ZC3H12B: variants seen among roughly 807,000 people sequenced by gnomAD.
ZC3H12B encodes the protein zinc finger CCCH-type containing 12B.
ZC3H12B carries 7 observed loss-of-function variants against 43.9 expected under a neutral mutation model. The observed-to-expected ratio is 0.16, with a 90% CI of 0.09 to 0.30. The LOEUF (loss-of-function observed/expected upper bound fraction) is 0.30, where lower values mean the gene tolerates loss of function less well. Ranked by LOEUF, ZC3H12B falls within the 10% of genes least tolerant of loss-of-function variation. The pLI is 1.00. For synonymous variants in ZC3H12B, 222 were observed against 241.7 expected, an observed-to-expected ratio of 0.92 and a Z score of 0.76; for missense variants, 475 against 670.2, an observed-to-expected ratio of 0.71 and a Z score of 3.22.
the ZC3H12B span, among the ~76,000 whole-genome samples, chrX:65,078,334 A>C: frequency 8.9e-6 from 1 of 112,478 alleles, no homozygotes; most frequent in Admixed American, 9.4e-5. Context: ...ACTTTAGTGA[A>C]TAAGTATAGA....
chrX:65,212,841 C>T, the ZC3H12B span, among the ~76,000 whole-genome samples: 1 of 104,823 alleles, frequency 9.5e-6, no homozygotes, highest in Admixed American at 1.1e-4. Context: ...TCTCCAGCAT[C>T]TAGCACAGTG....
the ZC3H12B span, among the ~76,000 whole-genome samples, chrX:65,191,803 A>C: frequency 9.4e-6 from 1 of 106,917 alleles, no homozygotes; most frequent in Non-Finnish European, 1.9e-5. Flanking sequence ...TATTTCCTTC[A>C]GTTCTGCTCT....
intron 3 of ZC3H12B, among the ~76,000 whole-genome samples, chrX:65,457,088 C>G: frequency 1.1e-5 from 1 of 90,223 alleles, no homozygotes; most frequent in Admixed American, 1.2e-4. Context: ...GCACCTCTGC[C>G]CCGCCGCCCT....
the ZC3H12B span, among the ~76,000 whole-genome samples, chrX:65,224,619 G>A: frequency 8.9e-6 from 1 of 112,204 alleles, no homozygotes; most frequent in Non-Finnish European, 1.9e-5. Context: ...CCCTTTCCTA[G>A]TCAAAGAAAG....
At chrX:65,384,049 G>T (rs1457829811) in intron 2 of ZC3H12B, among the ~76,000 whole-genome samples, 3 of 99,623 alleles carry the variant, frequency 3.0e-5, no homozygotes, top group Non-Finnish European at 6.1e-5. Context: ...AAATCATGCT[G>T]CTATAAAGAC....
chrX:65,213,115 T>C, the ZC3H12B span, among the ~76,000 whole-genome samples: 1 of 109,795 alleles, frequency 9.1e-6, no homozygotes, highest in Admixed American at 1.0e-4. Context: ...TCCTTGTAAA[T>C]TGTTTATTTT....
chrX:65,188,844 G>A, the ZC3H12B span, among the ~76,000 whole-genome samples: 1 of 103,956 alleles, frequency 9.6e-6, no homozygotes, highest in East Asian at 3.0e-4. Flanking sequence ...TGTGCACATT[G>A]TGCAGGTTAG....
chrX:65,487,338 C>T (rs886085717), upstream of ZC3H12B, among the ~76,000 whole-genome samples: 3 of 112,075 alleles, frequency 2.7e-5, no homozygotes, highest in African/African-American at 9.7e-5. Context: ...GTAAGGAGTT[C>T]GAGACCAGCC....
intron 3 of ZC3H12B, among the ~76,000 whole-genome samples, chrX:65,465,357 CT>C (rs2067803741): frequency 9.0e-6 from 1 of 111,212 alleles, no homozygotes; most frequent in Non-Finnish European, 1.9e-5. Context: ...TAAAGTGCCA[CT>C]TTTTTTCTCT....
chrX:65,444,147 C>T (rs1056220741), intron 3 of ZC3H12B, among the ~76,000 whole-genome samples: 1 of 112,050 alleles, frequency 8.9e-6, no homozygotes, highest in Admixed American at 9.5e-5. Flanking sequence ...TTAATTTTTG[C>T]TTTCTGTTTT....
At chrX:65,090,646 A>G in the ZC3H12B span, among the ~76,000 whole-genome samples, 1 of 111,312 alleles carries the variant, frequency 9.0e-6, no homozygotes, top group Non-Finnish European at 1.9e-5. Flanking sequence ...ATGTTACCTT[A>G]TATAGTAGAA....
At chrX:65,155,589 A>G in the ZC3H12B span, among the ~76,000 whole-genome samples, 1 of 111,942 alleles carries the variant, frequency 8.9e-6, no homozygotes, top group Non-Finnish European at 1.9e-5. Flanking sequence ...ATGATGGCTT[A>G]TGCCTGTAAT....
At chrX:65,224,534 G>T in the ZC3H12B span, among the ~76,000 whole-genome samples, 3 of 112,635 alleles carry the variant, frequency 2.7e-5, no homozygotes, top group Non-Finnish European at 5.6e-5. Flanking sequence ...AGGACAGTGG[G>T]TGCAGTGCAC....
upstream of ZC3H12B, among the ~76,000 whole-genome samples, chrX:65,485,987 G>A (rs1483762480): frequency 8.9e-6 from 1 of 111,818 alleles, no homozygotes; most frequent in Non-Finnish European, 1.9e-5. Flanking sequence ...CTGGTGCATA[G>A]TTGGCACTAA....
upstream of ZC3H12B, among the ~76,000 whole-genome samples, chrX:65,364,231 C>T (rs1297414606): frequency 9.0e-6 from 1 of 110,574 alleles, no homozygotes; most frequent in African/African-American, 3.3e-5. Flanking sequence ...TGCCTTAACT[C>T]GAGCCCTCAC....
intron 2 of ZC3H12B, among the ~76,000 whole-genome samples, chrX:65,391,574 C>G (rs765600294): frequency 1.8e-4 from 20 of 111,464 alleles, no homozygotes; most frequent in Non-Finnish European, 3.6e-4. Context: ...GGATGGAGGG[C>G]AATTGTTTGC....
At chrX:65,381,638 A>T (rs1274209763) in intron 2 of ZC3H12B, among the ~76,000 whole-genome samples, 1 of 111,826 alleles carries the variant, frequency 8.9e-6, no homozygotes, top group Non-Finnish European at 1.9e-5. Flanking sequence ...ACACAAAAAA[A>T]CCTTCAAAAA....
At chrX:65,254,566 A>G in the ZC3H12B span, among the ~76,000 whole-genome samples, 1 of 112,362 alleles carries the variant, frequency 8.9e-6, no homozygotes, top group Non-Finnish European at 1.9e-5. Flanking sequence ...CACATTCAAA[A>G]GATAGCAACT....
the ZC3H12B span, among the ~76,000 whole-genome samples, chrX:65,153,344 G>A: frequency 9.0e-6 from 1 of 111,414 alleles, no homozygotes; most frequent in South Asian, 3.7e-4. Flanking sequence ...TCTGACAAAG[G>A]GCTAATATCC....
Sources: allele counts gnomAD v4.1 joint callset (sites outside exome capture counted in the v4.1 genomes callset), GRCh38; gene constraint gnomAD v4.1.1; transcripts MANE v1.5; gene names NCBI Gene and HGNC (gene_info 2026-07-23, HGNC 2026-07-21).